The following HECW2 variants were observed in gnomAD, a reference collection of about 807,000 sequenced individuals.
HECW2 encodes HECT, C2 and WW domain containing E3 ubiquitin protein ligase 2, also known as E3 ubiquitin-protein ligase HECW2.
HECW2 carries 61 observed loss-of-function variants against 175.2 expected under a neutral mutation model. The observed-to-expected ratio is 0.35, with a 90% CI of 0.28 to 0.43. The LOEUF is 0.43. Ranked by LOEUF, HECW2 falls within the 20% of genes least tolerant of loss-of-function variation. HECW2 has a pLI of 1.00. For missense variants in HECW2, 1,524 were observed against 2,000.5 expected (o/e 0.76, Z 4.54); for synonymous variants, 671 against 731.0 (o/e 0.92, Z 1.32).
At position 196,235,815 on chromosome 2, in the gene HECW2, C is replaced by T. The variant is rs186953969; in HGVS notation, c.3764+4634G>A. ...GGGACTACAGGCACCCGCCACCATG[C>T]CCGGCTAATTTTTTTTGTATTTTTA... On this transcript the variant is annotated intron_variant, in intron 21 of 28. Transcript: ENST00000644978. Among the ~76,000 whole-genome samples, 13 of 151,828 alleles carry T rather than the reference C, an allele frequency of 8.6e-5. No individual in the cohort carries two copies. The East Asian group carries it at 2.5e-3, about 30-fold the overall frequency.
At chr2:196,586,683 A>G (rs927413791) in intron 1 of HECW2, 2 of 110,716 alleles carry the variant, frequency 1.8e-5, no homozygotes, top group East Asian at 5.8e-4. Context: ...ACCTGAGCCC[A>G]GTACCCTGTC....
chr2:196,532,842 GGA>G (rs1376366451), intron 1 of HECW2, among the ~76,000 whole-genome samples: 1 of 152,120 alleles, frequency 6.6e-6, no homozygotes, highest in African/African-American at 2.4e-5. Flanking sequence ...GGGGAAAAGA[GGA>G]GAAGGAGGAG....
chr2:196,496,550 T>A (rs1435256211), intron 1 of HECW2, among the ~76,000 whole-genome samples: 9 of 152,214 alleles, frequency 5.9e-5, no homozygotes, highest in Non-Finnish European at 1.2e-4. Flanking sequence ...TTTTACAGCA[T>A]GTTTTCATCC....
chr2:196,402,317 C>T (rs185577512), intron 2 of HECW2, among the ~76,000 whole-genome samples: 118 of 151,818 alleles, frequency 7.8e-4, no homozygotes, highest in South Asian at 6.7e-3. Context: ...TATATACTGG[C>T]CCTTTAACAG....
At chr2:196,333,756 G>C (rs1178479132) in intron 4 of HECW2, among the ~76,000 whole-genome samples, 2 of 152,176 alleles carry the variant, frequency 1.3e-5, no homozygotes, top group African/African-American at 4.8e-5. Context: ...TGCCATGTTG[G>C]AAATGGGCAG....
Position 196,522,053 on chromosome 2 carries a change from A to C in HECW2, c.-36+71455T>G, listed in dbSNP as rs930322856. On this transcript the variant is annotated intron_variant, in intron 1 of 28. Coordinates refer to ENST00000644978, the MANE Select transcript of HECW2 (RefSeq NM_001348768.2). ...TCTAGTTCTAGATCCCTGAGGAATA[A>C]CCACACTGACTTCCACAATGGTTGA... Among the ~76,000 whole-genome samples the C allele has an allele frequency of 9.2e-5, 14 of 152,322 alleles. 1 individual carries two copies. Among genetic ancestry groups the C allele is most frequent in the Admixed American group, 3.3e-4 (5 of 15,304 alleles).
chr2:196,592,981 G>C (rs1308464080), intron 1 of HECW2, among the ~76,000 whole-genome samples: 4 of 151,708 alleles, frequency 2.6e-5, no homozygotes, highest in South Asian at 2.1e-4. Flanking sequence ...GAGTCTCTGC[G>C]CTGCAGTCCC....
intron 1 of HECW2, among the ~76,000 whole-genome samples, chr2:196,457,014 C>T (rs924791593): frequency 1.6e-4 from 24 of 152,090 alleles, no homozygotes; most frequent in African/African-American, 5.8e-4. Context: ...TATTCCTGTA[C>T]CAAGCTTCAA....
In HECW2 at chr2:196,220,893, C is replaced by T; in HGVS notation, c.4195G>A (p.Glu1399Lys). Residue 1399 changes from glutamate (E) to lysine (K), a missense_variant, in exon 25 of 29, where the codon GAG (glutamate) becomes AAG (lysine). By Grantham distance (56) the Glu-to-Lys change is moderately conservative. This residue lies in a region of HECW2 where 134 missense variants were observed against 287.8 expected (regional missense o/e 0.47). Transcript: ENST00000644978. ...KPGGANIPVTEKNKKEYIERM... is the reference protein window; with the variant it reads ...KPGGANIPVTKKNKKEYIERM... ...TCGATGTACTCCTTCTTGTTCTTCTCTGTAACTGGGATATTGGCACCCCCT... is the reference window on the plus strand; with the variant it reads ...TCGATGTACTCCTTCTTGTTCTTCTTTGTAACTGGGATATTGGCACCCCCT... 1 of 1,614,162 alleles carries T rather than the reference C, an allele frequency of 6.2e-7. No homozygotes were observed. Among genetic ancestry groups the T allele is most frequent in the Non-Finnish European group, 8.5e-7 (1 of 1,180,000 alleles).
intron 1 of HECW2, among the ~76,000 whole-genome samples, chr2:196,570,911 T>C (rs1197878205): frequency 1.3e-5 from 2 of 152,210 alleles, no homozygotes; most frequent in East Asian, 1.9e-4. Context: ...CACGGACTTA[T>C]GTTACCTGCT....
At chr2:196,414,394 AG>A (rs1695197255) in intron 2 of HECW2, among the ~76,000 whole-genome samples, 1 of 152,182 alleles carries the variant, frequency 6.6e-6, no homozygotes, top group African/African-American at 2.4e-5. Context: ...AACAAATCTC[AG>A]TATGTGTTAG....
At chr2:196,550,351 G>A (rs542599453) in intron 1 of HECW2, among the ~76,000 whole-genome samples, 1 of 151,864 alleles carries the variant, frequency 6.6e-6, no homozygotes, top group African/African-American at 2.4e-5. Flanking sequence ...ACTCCTCTAC[G>A]AAATGAATCA....
chr2:196,510,466 G>C (rs1559150192), intron 1 of HECW2, among the ~76,000 whole-genome samples: 1 of 152,206 alleles, frequency 6.6e-6, no homozygotes, highest in African/African-American at 2.4e-5. Flanking sequence ...GGAAAATCTA[G>C]TGGGGATGCT....
intron 1 of HECW2, among the ~76,000 whole-genome samples, chr2:196,444,047 A>G (rs113572129): frequency 2.5e-3 from 386 of 152,360 alleles, no homozygotes; most frequent in African/African-American, 8.1e-3. Flanking sequence ...AAATAAAAAC[A>G]AAAACAATTA....
At chr2:196,381,022 C>G (rs1054418600) in intron 2 of HECW2, among the ~76,000 whole-genome samples, 15 of 152,088 alleles carry the variant, frequency 9.9e-5, no homozygotes, top group African/African-American at 3.4e-4. Flanking sequence ...TCTACCATTC[C>G]CGAAGTGCTT....
intron 1 of HECW2, among the ~76,000 whole-genome samples, chr2:196,556,036 G>A (rs1689780686): frequency 6.6e-6 from 1 of 152,196 alleles, no homozygotes; most frequent in South Asian, 2.1e-4. Context: ...AAGCAGGTCA[G>A]TTAACCTCAG....
chr2:196,393,476 A>AT (rs113478220), intron 2 of HECW2, among the ~76,000 whole-genome samples: 88,691 of 151,976 alleles, frequency 0.58, 29,239 homozygotes, highest in East Asian at 0.84. Context: ...AAACAACCCC[A>AT]TCAACAAGTG....
At chr2:196,442,725 C>T (rs1245875451) in intron 1 of HECW2, among the ~76,000 whole-genome samples, 1 of 151,972 alleles carries the variant, frequency 6.6e-6, no homozygotes, top group Admixed American at 6.5e-5. Context: ...GTTAATAACA[C>T]ACATAGAAAA....
chr2:196,351,071 T>C (rs1045268492), intron 2 of HECW2, among the ~76,000 whole-genome samples: 1 of 152,212 alleles, frequency 6.6e-6, no homozygotes, highest in African/African-American at 2.4e-5. Flanking sequence ...AGGTCAATGT[T>C]ACCATTTTTG....
Sources: gnomAD v4.1 joint callset for allele counts (sites outside exome capture counted in the v4.1 genomes callset) on GRCh38, gnomAD v4.1.1 for gene constraint, gnomAD v4.1.1 regional missense constraint, MANE v1.5 for transcripts, NCBI Gene and HGNC (gene_info 2026-07-23, HGNC 2026-07-21) for gene names.